Variants in KANSL1L observed in about 807,000 individuals in gnomAD.
KANSL1L encodes the protein KAT8 regulatory NSL complex subunit 1 like, also known as KAT8 regulatory NSL complex subunit 1-like protein.
A neutral mutation model predicts 108.6 loss-of-function variants in KANSL1L; 25 were observed. That is an observed-to-expected ratio of 0.23 (90% CI 0.17 to 0.32). The LOEUF is 0.32. KANSL1L is among the 10% of genes least tolerant of loss of function. The pLI is 1.00. For missense variants in KANSL1L, 1,137 were observed against 1,125.7 expected, an observed-to-expected ratio of 1.01 and a Z score of -0.14; for synonymous variants, 405 against 395.1, an observed-to-expected ratio of 1.03 and a Z score of -0.30.
intron 1 of KANSL1L, among the ~76,000 whole-genome samples, chr2:210,163,248 C>T (rs532485961): frequency 1.1e-4 from 16 of 152,048 alleles, no homozygotes; most frequent in Non-Finnish European, 1.8e-4. Flanking sequence ...ATGCTAAGGC[C>T]TCTAATGGAA....
At chr2:210,028,342 C>T (rs2093965400) in intron 11 of KANSL1L, 1 of 152,400 alleles carries the variant, frequency 6.6e-6, no homozygotes, top group Non-Finnish European at 1.5e-5. Context: ...TGGATGACTT[C>T]CCAGACCTTC....
chr2:210,101,235 A>G (rs554179321), intron 4 of KANSL1L, among the ~76,000 whole-genome samples: 29 of 152,296 alleles, frequency 1.9e-4, no homozygotes, highest in African/African-American at 6.5e-4. Context: ...GGCTGAGCGC[A>G]GATGGAGGCT....
intron 6 of KANSL1L, among the ~76,000 whole-genome samples, chr2:210,061,906 G>A (rs149787147): frequency 4.6e-5 from 7 of 152,132 alleles, no homozygotes; most frequent in African/African-American, 9.6e-5. Flanking sequence ...GTTAAGATTC[G>A]GCATTAACAT....
chr2:210,093,015 C>T (rs191871395), intron 5 of KANSL1L, among the ~76,000 whole-genome samples: 71 of 152,258 alleles, frequency 4.7e-4, no homozygotes, highest in African/African-American at 1.6e-3. Flanking sequence ...AACAGTTTTA[C>T]TTCCAATGTA....
At chr2:210,039,838 C>G (rs1181541325) in intron 8 of KANSL1L, among the ~76,000 whole-genome samples, 3 of 151,746 alleles carry the variant, frequency 2.0e-5, no homozygotes, top group African/African-American at 7.2e-5. Flanking sequence ...ACCAATGGTT[C>G]TCCACTTTCC....
chr2:210,141,194 CTTTTT>C (rs60403144), intron 2 of KANSL1L, among the ~76,000 whole-genome samples: 13,315 of 151,062 alleles, frequency 0.088, 623 homozygotes, highest in Middle Eastern at 0.15. Flanking sequence ...CTCCCTTTCT[CTTTTT>C]CTTTTTTCTT....
chr2:210,095,814 T>A (rs75441868), intron 5 of KANSL1L, among the ~76,000 whole-genome samples: 3 of 152,272 alleles, frequency 2.0e-5, no homozygotes, highest in East Asian at 3.9e-4. Flanking sequence ...AAGTATTACA[T>A]TATCTAGCAA....
chr2:210,037,033 GGTGTGGGCCACCGCA>G (rs1242456428), intron 8 of KANSL1L, among the ~76,000 whole-genome samples: 2 of 152,106 alleles, frequency 1.3e-5, no homozygotes, highest in African/African-American at 4.8e-5. Context: ...TGGGATTACA[GGTGTGGGCCACCGCA>G]CCTGACCTGC....
chr2:210,024,398 T>C (rs1559492644), intron 13 of KANSL1L, among the ~76,000 whole-genome samples, 197 bp from the exon 14 acceptor site: 2 of 152,208 alleles, frequency 1.3e-5, no homozygotes, highest in Non-Finnish European at 2.9e-5. Flanking sequence ...TGAAATATTT[T>C]ACCGAATTAT....
At chr2:210,081,603 C>CTATTTTG (rs2094590266) in intron 5 of KANSL1L, among the ~76,000 whole-genome samples, 1 of 152,156 alleles carries the variant, frequency 6.6e-6, no homozygotes, top group Non-Finnish European at 1.5e-5. Flanking sequence ...GAGACTGTGT[C>CTATTTTG]TATTTTGTTT....
chr2:210,094,969 G>A (rs1389170901), intron 5 of KANSL1L, among the ~76,000 whole-genome samples: 1 of 151,900 alleles, frequency 6.6e-6, no homozygotes, highest in Non-Finnish European at 1.5e-5. Context: ...ACTTGTCAAA[G>A]CTCCTCAGGC....
At chr2:210,072,740 G>A (rs1439320148) in intron 6 of KANSL1L, among the ~76,000 whole-genome samples, 1 of 152,104 alleles carries the variant, frequency 6.6e-6, no homozygotes, top group Non-Finnish European at 1.5e-5. Context: ...CCTGCTGTGT[G>A]ACCTATTTCT....
intron 1 of KANSL1L, among the ~76,000 whole-genome samples, chr2:210,161,207 T>TAA (rs1354509795): frequency 6.6e-6 from 1 of 151,862 alleles, no homozygotes. Context: ...AGGCTGGTCT[T>TAA]AAACTCCTGA....
intron 5 of KANSL1L, among the ~76,000 whole-genome samples, chr2:210,080,995 T>C (rs995273435): frequency 1.3e-4 from 19 of 151,874 alleles, no homozygotes; most frequent in Admixed American, 6.6e-5. Flanking sequence ...TAGTCCCAGC[T>C]ACTTGGGAGC....
chr2:210,140,581 G>A (rs2095218620), intron 2 of KANSL1L, among the ~76,000 whole-genome samples: 1 of 152,210 alleles, frequency 6.6e-6, no homozygotes, highest in Admixed American at 6.6e-5. Context: ...TTTGAAGTCA[G>A]GTAATGTGGT....
At chr2:210,047,761 T>G (rs1004109901) in intron 6 of KANSL1L, among the ~76,000 whole-genome samples, 1 of 152,310 alleles carries the variant, frequency 6.6e-6, no homozygotes, top group African/African-American at 2.4e-5. Context: ...TACTAATCTT[T>G]GATTCAATGA....
At position 210,096,459 on chromosome 2, in the gene KANSL1L, C is replaced by T. The variant is rs536744342; in HGVS notation, c.1550+1627G>A. On this transcript the variant is annotated intron_variant, in intron 5 of 14. Transcript: ENST00000281772. The stretch of plus-strand genomic sequence containing the variant: ...AAATAATTATGCAATCAATGCTTTG[C>T]AAATGAATGACCAGAAATACAGGCA... 8.2e-6 allele frequency: 8 copies of T among 980,446 alleles called. No homozygotes were observed. The African/African-American group carries it at 1.4e-4, about 17-fold the overall frequency. 60.7% of individuals were successfully genotyped at this position (980,446 alleles called of 1,614,324 possible). A position where few individuals can be genotyped will look rare whatever the true frequency, so the allele number is the denominator to read the frequency against.
intron 12 of KANSL1L, among the ~76,000 whole-genome samples, chr2:210,026,192 GGTAAATTTTA>G (rs1227317807): frequency 2.0e-5 from 3 of 152,124 alleles, no homozygotes; most frequent in Non-Finnish European, 4.4e-5. Context: ...GGCATTAGAA[GGTAAATTTTA>G]GTAGTTGAAA....
At chr2:210,080,630 C>CT (rs1360612827) in intron 5 of KANSL1L, among the ~76,000 whole-genome samples, 1 of 152,198 alleles carries the variant, frequency 6.6e-6, no homozygotes, top group Non-Finnish European at 1.5e-5. Flanking sequence ...GGGCTGTAGA[C>CT]TAACTGACAC....
Sources: gnomAD v4.1 joint callset for allele counts (sites outside exome capture counted in the v4.1 genomes callset) on GRCh38, gnomAD v4.1.1 for gene constraint, MANE v1.5 for transcripts, NCBI Gene and HGNC (gene_info 2026-07-23, HGNC 2026-07-21) for gene names.